Variants in PCSK5 observed in about 807,000 individuals in gnomAD.
PCSK5 encodes the protein proprotein convertase subtilisin/kexin type 5.
In PCSK5, 129 loss-of-function variants were observed where a neutral mutation model predicts 233.2. That is an observed-to-expected ratio of 0.55 (90% CI 0.48 to 0.64). PCSK5 has a LOEUF of 0.64. Ranked by LOEUF, PCSK5 falls within the 30% of genes least tolerant of loss-of-function variation. The pLI is 0.00. For synonymous variants in PCSK5, 825 were observed against 879.2 expected, an observed-to-expected ratio of 0.94 and a Z score of 1.09; for missense variants, 2,076 against 2,430.1, an observed-to-expected ratio of 0.85 and a Z score of 3.06.
chr9:76,324,637 A>G (rs930829322), intron 32 of PCSK5, among the ~76,000 whole-genome samples: 2 of 152,168 alleles, frequency 1.3e-5, no homozygotes, highest in Non-Finnish European at 2.9e-5. Flanking sequence ...TGCATGTTCA[A>G]GAAAGGATCT....
chr9:76,225,012 T>C (rs1393411897), intron 20 of PCSK5, among the ~76,000 whole-genome samples: 2 of 152,180 alleles, frequency 1.3e-5, no homozygotes, highest in East Asian at 3.9e-4. Flanking sequence ...ATCTGACACA[T>C]CATGGAAATG....
In PCSK5 at chr9:75,958,549, A is replaced by G. The variant is rs562615716; in HGVS notation, c.297+26066A>G. 3.1e-4 allele frequency among the ~76,000 whole-genome samples: 47 copies of G among 152,164 alleles called. No homozygotes were observed. In the South Asian group the frequency reaches 9.5e-3, roughly 31 times the overall value. On this transcript the variant is annotated intron_variant, in intron 2 of 37. Coordinates refer to ENST00000674117, the MANE Select transcript of PCSK5 (RefSeq NM_001372043.1). ...AAGAGTATGAACTTTAGAGGCCAAA[A>G]CCTGTGTTGAGGATCCAGGCCATTA...
At chr9:75,955,738 A>G (rs1825066314) in intron 2 of PCSK5, among the ~76,000 whole-genome samples, 1 of 152,098 alleles carries the variant, frequency 6.6e-6, no homozygotes, top group South Asian at 2.1e-4. Context: ...TTGAATTTGA[A>G]TTAAATTTAA....
At chr9:76,097,911 A>G (rs1242842957) in intron 8 of PCSK5, among the ~76,000 whole-genome samples, 2 of 152,288 alleles carry the variant, frequency 1.3e-5, no homozygotes, top group East Asian at 3.9e-4. Context: ...TTTTCAAGGT[A>G]GAGCTAAGCT....
At chr9:76,315,463 T>C (rs1415011247) in intron 30 of PCSK5, among the ~76,000 whole-genome samples, 1 of 152,166 alleles carries the variant, frequency 6.6e-6, no homozygotes, top group Non-Finnish European at 1.5e-5. Context: ...GCTGAAAGAC[T>C]TCAACATTAA....
intron 24 of PCSK5, among the ~76,000 whole-genome samples, chr9:76,259,437 C>T (rs1040389656): frequency 8.4e-5 from 12 of 143,466 alleles, no homozygotes; most frequent in African/African-American, 2.9e-4. Context: ...ATTCAGCCTC[C>T]CTCCCTCTCT....
At chr9:76,315,641 A>ATTTTTTTT (rs777066898) in intron 30 of PCSK5, among the ~76,000 whole-genome samples, 1 of 139,102 alleles carries the variant, frequency 7.2e-6, no homozygotes, top group Non-Finnish European at 1.5e-5. Context: ...GGAGAAGACT[A>ATTTTTTTT]CTTTTTTTTT....
Position 75,975,116 on chromosome 9 carries a change from C to T in PCSK5, c.298-11016C>T, listed in dbSNP as rs146056768. ...ATGCCTCTTACTTAAAAAGAGAAAG[C>T]GCAAAATGGATGAAATGAAAACTCC... On this transcript the variant is annotated intron_variant, in intron 2 of 37. Coordinates refer to ENST00000674117, the MANE Select transcript of PCSK5 (RefSeq NM_001372043.1). Among the ~76,000 whole-genome samples the T allele has an allele frequency of 2.5e-3, 379 of 152,172 alleles. 3 individuals carry two copies. Among genetic ancestry groups the T allele is most frequent in the African/African-American group, 8.2e-3 (342 of 41,490 alleles).
intron 20 of PCSK5, among the ~76,000 whole-genome samples, chr9:76,191,732 T>C (rs942493678): frequency 4.6e-5 from 7 of 152,024 alleles, no homozygotes; most frequent in African/African-American, 1.2e-4. Context: ...CTTGGGGTGG[T>C]GGCACCCCAG....
intron 20 of PCSK5, among the ~76,000 whole-genome samples, chr9:76,202,042 G>A (rs2131271195): frequency 6.6e-6 from 1 of 152,166 alleles, no homozygotes; most frequent in South Asian, 2.1e-4. Context: ...TATAATAAAA[G>A]CTAAACTATG....
At chr9:75,936,853 A>G (rs958832395) in intron 2 of PCSK5, among the ~76,000 whole-genome samples, 1 of 152,210 alleles carries the variant, frequency 6.6e-6, no homozygotes, top group Non-Finnish European at 1.5e-5. Flanking sequence ...ATTAGAGGAA[A>G]CACTATCTAT....
intron 2 of PCSK5, among the ~76,000 whole-genome samples, chr9:75,972,894 G>A (rs1375150858): frequency 6.6e-6 from 1 of 152,152 alleles, no homozygotes; most frequent in African/African-American, 2.4e-5. Context: ...ATAACCCAAA[G>A]GGAGAGAGAA....
intron 1 of PCSK5, among the ~76,000 whole-genome samples, chr9:75,891,817 C>T (rs1587317404): frequency 6.6e-6 from 1 of 152,076 alleles, no homozygotes; most frequent in South Asian, 2.1e-4. Context: ...AAGGGAAAGC[C>T]TTTCCTGCTC....
chr9:76,128,361 C>A (rs1400598584), intron 9 of PCSK5, among the ~76,000 whole-genome samples: 1 of 152,100 alleles, frequency 6.6e-6, no homozygotes, highest in Non-Finnish European at 1.5e-5. Context: ...TACAGGGAGA[C>A]CTGGTGGAAA....
chr9:75,995,744 TACACACACACACACACAC>T (rs35132294), intron 3 of PCSK5, among the ~76,000 whole-genome samples: 9 of 146,052 alleles, frequency 6.2e-5, no homozygotes, highest in South Asian at 4.4e-4. Flanking sequence ...GATTCATTCA[TACACACACACACACACAC>T]ACACACACAC....
intron 24 of PCSK5, among the ~76,000 whole-genome samples, chr9:76,272,920 C>T (rs1428308443): frequency 2.6e-5 from 4 of 151,840 alleles, no homozygotes; most frequent in Non-Finnish European, 5.9e-5. Context: ...CTACTTCTTA[C>T]TCTAGCTACC....
chr9:76,107,438 C>G (rs1832025008), intron 9 of PCSK5, 87 bp downstream of exon 9: 1 of 684,990 alleles, frequency 1.5e-6, no homozygotes, highest in Non-Finnish European at 2.4e-6. Context: ...GGACCCCTAG[C>G]ATGACAACCT....
intron 17 of PCSK5, among the ~76,000 whole-genome samples, chr9:76,185,976 T>C (rs1417901079): frequency 3.9e-5 from 6 of 152,194 alleles, no homozygotes; most frequent in Non-Finnish European, 8.8e-5. Flanking sequence ...GAACATTGTA[T>C]AGAGTATGTT....
At chr9:75,917,278 T>C (rs943243847) in intron 1 of PCSK5, among the ~76,000 whole-genome samples, 3 of 152,166 alleles carry the variant, frequency 2.0e-5, no homozygotes, top group Admixed American at 1.3e-4. Flanking sequence ...TGATGAGTTA[T>C]TTATCCTGTT....
Sources: allele counts gnomAD v4.1 joint callset (sites outside exome capture counted in the v4.1 genomes callset), GRCh38; gene constraint gnomAD v4.1.1; transcripts MANE v1.5; gene names NCBI Gene and HGNC (gene_info 2026-07-23, HGNC 2026-07-21).